Variants in OR9Q1 observed in about 807,000 individuals in gnomAD.
The protein encoded by OR9Q1 is olfactory receptor 9Q1.
For missense variants in OR9Q1, 374 were observed against 378.8 expected, an observed-to-expected ratio of 0.99 and a Z score of 0.11; for synonymous variants, 153 against 148.6, an observed-to-expected ratio of 1.03 and a Z score of -0.22.
intron 2 of OR9Q1, among the ~76,000 whole-genome samples, chr11:58,156,860 C>T (rs778163576): frequency 2.0e-5 from 3 of 152,112 alleles, no homozygotes; most frequent in Non-Finnish European, 4.4e-5. Flanking sequence ...TTACATTTTG[C>T]CGTTTCAGTT....
intron 2 of OR9Q1, among the ~76,000 whole-genome samples, chr11:58,065,659 C>T (rs1853422130): frequency 6.6e-6 from 1 of 152,268 alleles, no homozygotes. Context: ...TCTTGCCTCT[C>T]ATGGCTTTAG....
intron 2 of OR9Q1, among the ~76,000 whole-genome samples, chr11:58,137,034 A>T (rs547248312): frequency 6.6e-6 from 1 of 152,164 alleles, no homozygotes; most frequent in Admixed American, 6.5e-5. Flanking sequence ...CATTTGGCAA[A>T]GTCCTCTGGC....
intron 2 of OR9Q1, among the ~76,000 whole-genome samples, chr11:58,128,108 A>C (rs1337635731): frequency 6.6e-6 from 1 of 152,104 alleles, no homozygotes; most frequent in Non-Finnish European, 1.5e-5. Flanking sequence ...TGTCAAAATG[A>C]GCATCACTAG....
At position 58,109,297 on chromosome 11, in the gene OR9Q1, C is replaced by T. The variant is rs200097330; in HGVS notation, c.-15+53350C>T. On this transcript the variant is annotated intron_variant, in intron 2 of 2. Coordinates refer to ENST00000335397, the MANE Select transcript of OR9Q1 (RefSeq NM_001005212.4). ...CAGTGGATTGCTAATGGCAACAAAG[C>T]GGTCATAGGCCATCACTGACAGCAG... is the stretch of plus-strand genomic sequence containing the variant. 7.3e-3 allele frequency: 3,382 copies of T among 461,890 alleles called. 105 individuals carry two copies. The highest frequency in any genetic ancestry group is 0.057 in the African/African-American group (2,843 of 50,166). 28.6% of individuals were successfully genotyped at this position (461,890 alleles called of 1,614,324 possible).
chr11:58,166,695 T>G (rs78700977), intron 2 of OR9Q1, among the ~76,000 whole-genome samples: 15 of 152,306 alleles, frequency 9.8e-5, no homozygotes, highest in Non-Finnish European at 1.3e-4. Flanking sequence ...TCCCACAATT[T>G]TATTTTTTGC....
chr11:58,159,302 G>C (rs775571247), intron 2 of OR9Q1, among the ~76,000 whole-genome samples: 1 of 152,128 alleles, frequency 6.6e-6, no homozygotes, highest in African/African-American at 2.4e-5. Flanking sequence ...AGATGTTAGG[G>C]GTCTTGGCTA....
chr11:58,118,831 A>G (rs1236095714), intron 2 of OR9Q1: 4 of 1,613,946 alleles, frequency 2.5e-6, no homozygotes, highest in Non-Finnish European at 3.4e-6. Context: ...CAAAATCACA[A>G]AATTGCCAAA....
chr11:58,150,754 A>T (rs945448344), intron 2 of OR9Q1, among the ~76,000 whole-genome samples: 1 of 152,238 alleles, frequency 6.6e-6, no homozygotes, highest in African/African-American at 2.4e-5. Context: ...AGACTATGTT[A>T]CTAGTTTACG....
At chr11:58,097,602 T>C (rs1231923186) in intron 2 of OR9Q1, among the ~76,000 whole-genome samples, 2 of 152,224 alleles carry the variant, frequency 1.3e-5, no homozygotes, top group African/African-American at 4.8e-5. Flanking sequence ...CACTCCTAGC[T>C]ATTTGCTCAA....
At chr11:58,105,689 T>A (rs565100308) in intron 2 of OR9Q1, among the ~76,000 whole-genome samples, 1 of 152,336 alleles carries the variant, frequency 6.6e-6, no homozygotes, top group Admixed American at 6.5e-5. Context: ...TCTATAAGTT[T>A]AAATATTTTA....
chr11:58,068,441 C>T (rs1021814167), intron 2 of OR9Q1, among the ~76,000 whole-genome samples: 2 of 152,056 alleles, frequency 1.3e-5, no homozygotes. Flanking sequence ...TCCTCTGTTA[C>T]ACAGCAACCC....
intron 2 of OR9Q1, among the ~76,000 whole-genome samples, chr11:58,070,126 C>T (rs980856587): frequency 2.0e-5 from 3 of 151,700 alleles, no homozygotes; most frequent in Non-Finnish European, 4.4e-5. Flanking sequence ...CTCAGCCTCC[C>T]GAGTAGCTGG....
chr11:58,109,722 G>A, intron 2 of OR9Q1: 1 of 374,698 alleles, frequency 2.7e-6, no homozygotes. Context: ...AGAACTAAAG[G>A]TCTTTGCTTT....
chr11:58,046,588 G>A (rs536744424), intron 1 of OR9Q1, among the ~76,000 whole-genome samples: 10 of 152,242 alleles, frequency 6.6e-5, no homozygotes, highest in South Asian at 2.1e-4. Flanking sequence ...TCAGCTGATC[G>A]TGGTGGCTCA....
intron 2 of OR9Q1, among the ~76,000 whole-genome samples, chr11:58,169,512 A>G (rs976662171): frequency 6.6e-6 from 1 of 152,170 alleles, no homozygotes; most frequent in African/African-American, 2.4e-5. Context: ...TAGCAGGTTT[A>G]TAATTTACAG....
Position 58,179,805 on chromosome 11 carries a change from G to C in OR9Q1, c.361G>C (p.Asp121His), listed in dbSNP as rs1565098633. The change falls in exon 3 of 3, where the codon GAC becomes CAC. Residue 121 changes from aspartate to histidine, a missense_variant. Physicochemically the swap from Asp to His is moderately conservative, Grantham distance 81. Transcript: ENST00000335397. ...DCYLLALMAY[D>H]RYLAVCQPLL... ...CTACCTCTTGGCCCTCATGGCCTAT[G>C]ACCGCTACTTGGCTGTGTGCCAGCC... is the stretch of plus-strand genomic sequence containing the variant. 6.2e-7 allele frequency: 1 copy of C among 1,614,184 alleles called. No individual in the cohort carries two copies. Among genetic ancestry groups the C allele is most frequent in the East Asian group, 2.2e-5 (1 of 44,870 alleles).
chr11:58,118,423 A>C, intron 2 of OR9Q1: 1 of 924,234 alleles, frequency 1.1e-6, no homozygotes, highest in Non-Finnish European at 1.7e-6. Context: ...TATAGGTTGC[A>C]TATAGTAATG....
chr11:58,123,059 T>A (rs1854051628), intron 2 of OR9Q1, among the ~76,000 whole-genome samples: 1 of 152,162 alleles, frequency 6.6e-6, no homozygotes, highest in African/African-American at 2.4e-5. Flanking sequence ...TTGCATATAT[T>A]ATTTAATTCT....
chr11:58,079,740 C>T lies in OR9Q1; in HGVS notation c.-15+23793C>T, dbSNP rs150458542. Among the ~76,000 whole-genome samples, 250 of 152,232 alleles carry T rather than the reference C, an allele frequency of 1.6e-3. 1 individual carries two copies. Among genetic ancestry groups the T allele is most frequent in the African/African-American group, 5.6e-3 (231 of 41,556 alleles). On this transcript the variant is annotated intron_variant, in intron 2 of 2. Coordinates refer to ENST00000335397, the MANE Select transcript of OR9Q1 (RefSeq NM_001005212.4). ...CCATGAGAAAAGGCGCCCCAGTTGCCTCAGTTGTACCAGATGAAGTCATTA... is the reference window on the plus strand; with the variant it reads ...CCATGAGAAAAGGCGCCCCAGTTGCTTCAGTTGTACCAGATGAAGTCATTA...
Sources: allele counts gnomAD v4.1 joint callset (sites outside exome capture counted in the v4.1 genomes callset), GRCh38; gene constraint gnomAD v4.1.1; transcripts MANE v1.5; gene names NCBI Gene and HGNC (gene_info 2026-07-23, HGNC 2026-07-21).